Variants in SBF2 observed in about 807,000 individuals in gnomAD.
SBF2 encodes SET binding factor 2, also known as myotubularin-related protein 13.
Under a neutral mutation model 225.2 loss-of-function variants are expected in SBF2, and 112 were observed. The observed-to-expected ratio is 0.50, with a 90% confidence interval of 0.43 to 0.58. SBF2 has a LOEUF of 0.58. Among genes scored for constraint, SBF2 ranks in the 20% least tolerant of loss-of-function variants. The pLI, the probability that SBF2 is intolerant of heterozygous loss-of-function variation, is 0.00. For synonymous variants in SBF2, 763 were observed against 773.3 expected, an observed-to-expected ratio of 0.99 and a Z score of 0.22; for missense variants, 1,996 against 2,206.2, an observed-to-expected ratio of 0.90 and a Z score of 1.91.
intron 2 of SBF2, among the ~76,000 whole-genome samples, chr11:10,174,904 C>A (rs1422515357): frequency 4.7e-5 from 7 of 149,342 alleles, no homozygotes; most frequent in South Asian, 2.1e-4. Context: ...TCATATCCAG[C>A]CAAACTAAAC....
intron 1 of SBF2, among the ~76,000 whole-genome samples, chr11:10,292,678 CAAA>C (rs5789633): frequency 1.0e-4 from 9 of 85,814 alleles, no homozygotes; most frequent in Non-Finnish European, 1.4e-4. Context: ...AACTCCGTCT[CAAA>C]AAAAAAAAAA....
intron 17 of SBF2, among the ~76,000 whole-genome samples, chr11:9,890,501 C>G (rs1049464669): frequency 1.3e-5 from 2 of 152,116 alleles, no homozygotes; most frequent in Non-Finnish European, 2.9e-5. Context: ...GAAGTAAGAC[C>G]TAACTCAATC....
intron 1 of SBF2, among the ~76,000 whole-genome samples, chr11:10,217,908 T>C (rs972094579): frequency 1.3e-5 from 2 of 152,170 alleles, no homozygotes; most frequent in Non-Finnish European, 2.9e-5. Flanking sequence ...CACATCTTTT[T>C]TTCTTCTTTG....
chr11:10,071,254 T>C (rs1386426181), intron 2 of SBF2, among the ~76,000 whole-genome samples: 1 of 109,518 alleles, frequency 9.1e-6, no homozygotes, highest in Non-Finnish European at 2.0e-5. Context: ...TCTCTTTTTT[T>C]CTCTCTCTCT....
chr11:9,791,540 T>C (rs923882990), intron 33 of SBF2, among the ~76,000 whole-genome samples: 3 of 152,126 alleles, frequency 2.0e-5, no homozygotes, highest in African/African-American at 7.2e-5. Context: ...TCCAGTGCAG[T>C]AGTTCTCAAC....
intron 2 of SBF2, among the ~76,000 whole-genome samples, chr11:10,160,124 T>C (rs1955668294): frequency 6.6e-6 from 1 of 152,156 alleles, no homozygotes; most frequent in African/African-American, 2.4e-5. Context: ...AAGTAAAAAA[T>C]ATCTTTGCAG....
At chr11:9,957,968 T>A (rs1337505608) in intron 16 of SBF2, 1 of 151,900 alleles carries the variant, frequency 6.6e-6, no homozygotes, top group Non-Finnish European at 1.5e-5. Flanking sequence ...CCCCAACCCC[T>A]ACCTTCTCTC....
At chr11:10,228,569 T>C (rs1453059144) in intron 1 of SBF2, among the ~76,000 whole-genome samples, 1 of 152,224 alleles carries the variant, frequency 6.6e-6, no homozygotes, top group African/African-American at 2.4e-5. Context: ...CTGCATCTAT[T>C]GAGATAATCA....
chr11:10,193,230 G>C (rs1352662748), intron 2 of SBF2, among the ~76,000 whole-genome samples: 1 of 147,634 alleles, frequency 6.8e-6, no homozygotes, highest in East Asian at 2.1e-4. Context: ...CAATAACCTG[G>C]ACATTTTCAG....
intron 6 of SBF2, among the ~76,000 whole-genome samples, chr11:10,025,124 T>C (rs748064327): frequency 3.3e-4 from 50 of 152,196 alleles, no homozygotes; most frequent in Non-Finnish European, 5.6e-4. Context: ...TTATTTTTGA[T>C]TGAGTACAGG....
intron 2 of SBF2, among the ~76,000 whole-genome samples, chr11:10,043,785 G>A (rs1421408007): frequency 6.6e-6 from 1 of 151,958 alleles, no homozygotes; most frequent in Non-Finnish European, 1.5e-5. Context: ...TGTTGTCCAG[G>A]CTGGTCTCGA....
chr11:10,174,186 G>A (rs1439478709), intron 2 of SBF2, among the ~76,000 whole-genome samples: 1 of 152,170 alleles, frequency 6.6e-6, no homozygotes, highest in Non-Finnish European at 1.5e-5. Context: ...GCTGAGACAA[G>A]AAGGCTTCAG....
intron 13 of SBF2, among the ~76,000 whole-genome samples, chr11:9,985,017 T>C (rs896517027): frequency 1.3e-5 from 2 of 151,802 alleles, no homozygotes; most frequent in African/African-American, 4.8e-5. Flanking sequence ...AAAACAAAAA[T>C]ACAAGTTAAA....
intron 1 of SBF2, among the ~76,000 whole-genome samples, chr11:10,196,920 C>T (rs1419389856): frequency 7.0e-6 from 1 of 142,238 alleles, no homozygotes; most frequent in Non-Finnish European, 1.5e-5. Flanking sequence ...TATACACTGG[C>T]TTATTACTTA....
chr11:9,921,614 T>A (rs1863639419), intron 16 of SBF2, among the ~76,000 whole-genome samples: 1 of 152,242 alleles, frequency 6.6e-6, no homozygotes. Flanking sequence ...ATTCTTTGCA[T>A]GATTAAAATT....
chr11:10,224,168 T>C (rs1292493283), intron 1 of SBF2, among the ~76,000 whole-genome samples: 1 of 152,164 alleles, frequency 6.6e-6, no homozygotes, highest in East Asian at 1.9e-4. Flanking sequence ...GCTATGCAGT[T>C]TGTCTGCAAG....
At chr11:10,115,095 C>T (rs952267164) in intron 2 of SBF2, among the ~76,000 whole-genome samples, 4 of 152,136 alleles carry the variant, frequency 2.6e-5, no homozygotes, top group Admixed American at 1.3e-4. Flanking sequence ...GCTTATTTTA[C>T]AGTATTTTTT....
At chr11:9,958,350 ATCCTT>A (rs1196996324) in intron 16 of SBF2, 1 of 150,474 alleles carries the variant, frequency 6.6e-6, no homozygotes, top group East Asian at 1.9e-4. Flanking sequence ...CTCATATTCC[ATCCTT>A]TCTTTTTTTT....
At chr11:10,255,932 A>G (rs1960830239) in intron 1 of SBF2, among the ~76,000 whole-genome samples, 1 of 152,360 alleles carries the variant, frequency 6.6e-6, no homozygotes, top group Non-Finnish European at 1.5e-5. Context: ...CAGCGCCACA[A>G]GCAAAGTCCC....
Sources: allele counts gnomAD v4.1 joint callset (sites outside exome capture counted in the v4.1 genomes callset), GRCh38; gene constraint gnomAD v4.1.1; transcripts MANE v1.5; gene names NCBI Gene and HGNC (gene_info 2026-07-23, HGNC 2026-07-21).